WDFY2: variants seen among roughly 807,000 people sequenced by gnomAD.
WDFY2 encodes WD repeat and FYVE domain containing 2.
In WDFY2, 36 loss-of-function variants were observed where a neutral mutation model predicts 56.4. The ratio of observed to expected loss-of-function variants is 0.64; its 90% confidence interval spans 0.49 to 0.84. The LOEUF (loss-of-function observed/expected upper bound fraction) is 0.84. WDFY2 is among the 40% of genes least tolerant of loss of function. WDFY2 has a pLI of 0.00. For missense variants in WDFY2, 444 were observed against 512.2 expected (o/e 0.87, Z 1.29); for synonymous variants, 176 against 183.7 (o/e 0.96, Z 0.34).
intron 4 of WDFY2, among the ~76,000 whole-genome samples, chr13:51,708,586 A>T (rs1952140488): frequency 6.6e-6 from 1 of 152,132 alleles, no homozygotes; most frequent in African/African-American, 2.4e-5. Flanking sequence ...TTAATTAAAA[A>T]AAAAAAGCAG....
chr13:51,672,241 G>A (rs1322937218), intron 2 of WDFY2, among the ~76,000 whole-genome samples: 1 of 152,212 alleles, frequency 6.6e-6, no homozygotes, highest in Non-Finnish European at 1.5e-5. Flanking sequence ...GAGAGATGGG[G>A]ATCCAGTTTC....
At chr13:51,639,187 T>G (rs375620705) in intron 1 of WDFY2, among the ~76,000 whole-genome samples, 1 of 152,204 alleles carries the variant, frequency 6.6e-6, no homozygotes, top group Non-Finnish European at 1.5e-5. Flanking sequence ...TTTTACACCA[T>G]GTACTTTGAT....
chr13:51,668,168 C>T (rs1451932117), intron 2 of WDFY2, among the ~76,000 whole-genome samples: 4 of 151,900 alleles, frequency 2.6e-5, no homozygotes, highest in Non-Finnish European at 5.9e-5. Flanking sequence ...CGTGAGCCAC[C>T]GCACCCGGCC....
intron 7 of WDFY2, among the ~76,000 whole-genome samples, chr13:51,747,074 T>G (rs958915279): frequency 2.0e-5 from 3 of 152,264 alleles, no homozygotes; most frequent in Admixed American, 6.5e-5. Context: ...TTTAAAATAC[T>G]TAGTACAAAT....
At chr13:51,588,948 T>C (rs1953995033) in intron 1 of WDFY2, 1 of 152,110 alleles carries the variant, frequency 6.6e-6, no homozygotes, top group African/African-American at 2.4e-5. Flanking sequence ...GAGAAGAAAG[T>C]TACTGGGGAG....
At chr13:51,611,603 ATTCT>A (rs1242053082) in intron 1 of WDFY2, among the ~76,000 whole-genome samples, 1 of 152,190 alleles carries the variant, frequency 6.6e-6, no homozygotes, top group Non-Finnish European at 1.5e-5. Context: ...TGTCTGCTTC[ATTCT>A]TTCTTGCTGG....
At chr13:51,678,467 G>T (rs1250419502) in intron 3 of WDFY2, among the ~76,000 whole-genome samples, 1 of 152,138 alleles carries the variant, frequency 6.6e-6, no homozygotes, top group Non-Finnish European at 1.5e-5. Flanking sequence ...CATTCAAAAT[G>T]TTTTTCAAAA....
chr13:51,747,614 C>T (rs1385039545), intron 7 of WDFY2, among the ~76,000 whole-genome samples: 2 of 152,228 alleles, frequency 1.3e-5, no homozygotes, highest in East Asian at 3.8e-4. Context: ...TCACTGCAGC[C>T]TCAGCCTTTC....
At position 51,767,709 on chromosome 13, in the gene WDFY2, G is replaced by A. The variant is rs565457250; in HGVS notation, c.*7940G>A. The A allele has an allele frequency of 1.3e-5, 2 of 151,758 alleles. No individual in the cohort carries two copies. Among genetic ancestry groups the A allele is most frequent in the South Asian group, 3.7e-4 (2 of 5,390 alleles). 9.4% of individuals were successfully genotyped at this position (151,758 alleles called of 1,614,324 possible). ...CTCATTAAATTGTTTGTGTAAATAT[G>A]CATCGTCCCTTGGTTATGCTGTGCT... On this transcript the variant is annotated 3_prime_UTR_variant, in exon 12 of 12. Coordinates refer to ENST00000298125, the MANE Select transcript of WDFY2 (RefSeq NM_052950.4).
intron 2 of WDFY2, among the ~76,000 whole-genome samples, chr13:51,674,155 A>G (rs1178552608): frequency 6.6e-6 from 1 of 152,218 alleles, no homozygotes; most frequent in African/African-American, 2.4e-5. Context: ...TGGGTAAAAC[A>G]TCTAATCATA....
rs1252717781 is a variant in WDFY2 at position 51,750,721 on chromosome 13, G to GGA, written c.726-579_726-578dup. Among the ~76,000 whole-genome samples the GGA allele has an allele frequency of 3.3e-5, 5 of 152,214 alleles. No homozygotes were observed. In the South Asian group the frequency reaches 6.2e-4, roughly 19 times the overall value. On this transcript the variant is annotated intron_variant, in intron 7 of 11. Transcript: ENST00000298125. ...TAGAAAGAAAAATAAAACAGAATCAGGAGAGAGAGAGTAAAAACTAGAGAA... is the reference window on the plus strand; with the variant it reads ...TAGAAAGAAAAATAAAACAGAATCAGGAGAGAGAGAGAGTAAAAACTAGAGAA...
At chr13:51,681,622 G>A (rs1955977926) in intron 3 of WDFY2, among the ~76,000 whole-genome samples, 1 of 152,074 alleles carries the variant, frequency 6.6e-6, no homozygotes, top group African/African-American at 2.4e-5. Flanking sequence ...ACAGCGTTAA[G>A]TAGACATTTT....
In WDFY2 at chr13:51,584,717, G is replaced by A; in HGVS notation, c.30G>A (p.Leu10=). The change falls in exon 1 of 12, where the codon CTG becomes CTA. Residue 10 remains leucine, a synonymous_variant. Coordinates refer to ENST00000298125, the MANE Select transcript of WDFY2 (RefSeq NM_052950.4). The part of the protein sequence containing the change: MAAEIQPKP[L]TRKPILLQRM... Reference sequence around the variant, plus strand: ...CGGCGGAGATCCAGCCCAAGCCTCTGACCCGCAAGCCGATCCTGCTGCAGC... The same window carrying A: ...CGGCGGAGATCCAGCCCAAGCCTCTAACCCGCAAGCCGATCCTGCTGCAGC... The A allele has an allele frequency of 6.2e-7, 1 of 1,613,456 alleles. No individual in the cohort carries two copies. Among genetic ancestry groups the A allele is most frequent in the Middle Eastern group, 1.7e-4 (1 of 6,016 alleles).
chr13:51,651,474 C>T (rs1955384606), intron 1 of WDFY2, among the ~76,000 whole-genome samples: 1 of 152,070 alleles, frequency 6.6e-6, no homozygotes, highest in African/African-American at 2.4e-5. Flanking sequence ...AATGTGTTTG[C>T]TCTTGCTTCT....
chr13:51,729,301 G>C (rs1952671451), intron 6 of WDFY2, among the ~76,000 whole-genome samples: 1 of 151,048 alleles, frequency 6.6e-6, no homozygotes, highest in Non-Finnish European at 1.5e-5. Context: ...CCTGTCCTCA[G>C]TTCACTCCTT....
At position 51,751,416 on chromosome 13, in the gene WDFY2, G is replaced by T. The variant is rs1483711125; in HGVS notation, c.831+1G>T. On this transcript the variant is annotated splice_donor_variant, in intron 8 of 11. Transcript: ENST00000298125. LOFTEE classifies it high-confidence loss of function. ...GAACATGGACGTGGAGAGGCAGGAG[G>T]TAGGTGGCACAGCAGGGTGGGGTGG... 2 of 1,613,938 alleles carry T rather than the reference G, an allele frequency of 1.2e-6. No homozygotes were observed. Among genetic ancestry groups the T allele is most frequent in the Admixed American group, 3.3e-5 (2 of 60,024 alleles).
chr13:51,668,190 A>AT (rs1955747257), intron 2 of WDFY2, among the ~76,000 whole-genome samples: 1 of 152,056 alleles, frequency 6.6e-6, no homozygotes, highest in Non-Finnish European at 1.5e-5. Context: ...GGAACTTCTC[A>AT]TTTTTATTGG....
At chr13:51,742,967 T>C (rs1303055627) in intron 7 of WDFY2, among the ~76,000 whole-genome samples, 8 of 152,210 alleles carry the variant, frequency 5.3e-5, no homozygotes, top group Admixed American at 1.3e-4. Context: ...TGGAGAGAAT[T>C]TGTGCTTTTC....
chr13:51,703,781 T>C (rs559330468), intron 4 of WDFY2, 131 bp downstream of exon 4: 3 of 736,444 alleles, frequency 4.1e-6, no homozygotes, highest in Admixed American at 7.0e-5. Context: ...GAGTGAGTGT[T>C]ATCCCTGTGT....
Sources: gnomAD v4.1 joint callset for allele counts (sites outside exome capture counted in the v4.1 genomes callset) on GRCh38, gnomAD v4.1.1 for gene constraint, MANE v1.5 for transcripts, NCBI Gene and HGNC (gene_info 2026-07-23, HGNC 2026-07-21) for gene names.